Variants in IPO11 observed in about 807,000 individuals in gnomAD.
IPO11 encodes the protein importin-11.
A neutral mutation model predicts 143.2 loss-of-function variants in IPO11; 66 were observed. The ratio of observed to expected loss-of-function variants is 0.46; its 90% CI spans 0.38 to 0.57. The LOEUF is 0.57. Ranked by LOEUF, IPO11 falls within the 20% of genes least tolerant of loss-of-function variation. The pLI is 0.00. For synonymous variants in IPO11, 385 were observed against 377.8 expected (o/e 1.02, Z -0.22); for missense variants, 1,026 against 1,141.0 (o/e 0.90, Z 1.45).
Position 62,437,436 on chromosome 5 carries a change from G to A in IPO11, c.138+19G>A. 1.3e-6 allele frequency: 2 copies of A among 1,582,082 alleles called. No homozygotes were observed. The highest frequency in any genetic ancestry group is 1.7e-6 in the Non-Finnish European group (2 of 1,165,570). On this transcript the variant is annotated intron_variant, in intron 2 of 29. Transcript: ENST00000325324. ...GTTGCTGGTAAGTTGTTCTAAAATT[G>A]TTTGCTTTTCTTTTTAATAAAATGA...
intron 27 of IPO11, among the ~76,000 whole-genome samples, chr5:62,591,297 A>G (rs945313795): frequency 1.3e-5 from 2 of 152,184 alleles, no homozygotes; most frequent in Admixed American, 1.3e-4. Flanking sequence ...TTGTAGTTAT[A>G]TAAGTAACAT....
intron 29 of IPO11, among the ~76,000 whole-genome samples, chr5:62,616,719 CAAAAAAA>C (rs538760503): frequency 0.025 from 2,077 of 84,432 alleles, 60 homozygotes; most frequent in African/African-American, 0.094. Context: ...GACTCTGACT[CAAAAAAA>C]AAAAAAAAAA....
At chr5:62,447,108 T>A (rs1744744937) in intron 3 of IPO11, among the ~76,000 whole-genome samples, 1 of 149,178 alleles carries the variant, frequency 6.7e-6, no homozygotes, top group Admixed American at 6.6e-5. Context: ...ATTATATATA[T>A]ATATTTTTTT....
chr5:62,416,715 C>CTTTTT (rs11295932), intron 1 of IPO11, among the ~76,000 whole-genome samples: 4 of 144,136 alleles, frequency 2.8e-5, no homozygotes, highest in African/African-American at 2.6e-5. Flanking sequence ...CTCTTATTAT[C>CTTTTT]TTTTTTTTTT....
intron 20 of IPO11, 93 bp from the exon 21 acceptor site, chr5:62,526,049 T>G (rs1463330915): frequency 1.4e-6 from 1 of 728,144 alleles, no homozygotes; most frequent in Non-Finnish European, 2.3e-6. Flanking sequence ...TTTTTTTAAT[T>G]GGTTTTAGGG....
intron 5 of IPO11, among the ~76,000 whole-genome samples, chr5:62,456,848 C>G (rs1232294501): frequency 6.6e-6 from 1 of 152,110 alleles, no homozygotes; most frequent in African/African-American, 2.4e-5. Context: ...AATCCTGGCA[C>G]TTTAGGAGGC....
At chr5:62,562,230 A>G (rs941605582) in intron 27 of IPO11, 15 of 152,000 alleles carry the variant, frequency 9.9e-5, no homozygotes, top group African/African-American at 2.9e-4. Context: ...CTGGGCCCCT[A>G]TTTTTTTGTA....
intron 15 of IPO11, among the ~76,000 whole-genome samples, chr5:62,493,722 C>T (rs1398865792): frequency 6.6e-6 from 1 of 152,050 alleles, no homozygotes; most frequent in Non-Finnish European, 1.5e-5. Context: ...GTGCATGCCA[C>T]CACGCCCTGC....
At chr5:62,444,891 T>C (rs2112148908) in intron 3 of IPO11, among the ~76,000 whole-genome samples, 1 of 151,066 alleles carries the variant, frequency 6.6e-6, no homozygotes, top group South Asian at 2.1e-4. Flanking sequence ...GAGAGACATA[T>C]ATATATGTAT....
rs1217115922 is a variant in IPO11, at chr5:62,581,201, C to T, written c.2583-10376C>T. ...GTAACTGCCTCAATTTGTAACACTTCCCCAAATTCTCTAGAAAGTCCTGGC... is the reference window on the plus strand; with the variant it reads ...GTAACTGCCTCAATTTGTAACACTTTCCCAAATTCTCTAGAAAGTCCTGGC... On this transcript the variant is annotated intron_variant, in intron 27 of 29. Transcript: ENST00000325324. 6.4e-7 allele frequency: 1 copy of T among 1,550,788 alleles called. No homozygotes were observed. The highest frequency in any genetic ancestry group is 1.4e-5 in the African/African-American group (1 of 72,986).
At chr5:62,504,584 T>C in intron 16 of IPO11, 83 bp from the exon 17 acceptor site, 1 of 773,536 alleles carries the variant, frequency 1.3e-6, no homozygotes, top group Non-Finnish European at 2.1e-6. Flanking sequence ...CAGAAAGTGA[T>C]TTGGAATAAA....
chr5:62,595,146 G>T (rs1478538101), intron 28 of IPO11, among the ~76,000 whole-genome samples: 2 of 152,140 alleles, frequency 1.3e-5, no homozygotes, highest in Non-Finnish European at 2.9e-5. Context: ...AGAATCTTTG[G>T]GGGTCACACA....
intron 25 of IPO11, 148 bp downstream of exon 25, chr5:62,550,610 C>T (rs1743355787): frequency 5.6e-6 from 3 of 531,242 alleles, no homozygotes; most frequent in Non-Finnish European, 9.7e-6. Context: ...ACACCTTTGC[C>T]TTTTCCTGTT....
chr5:62,577,624 G>A (rs555414847), intron 27 of IPO11, among the ~76,000 whole-genome samples: 2 of 152,030 alleles, frequency 1.3e-5, no homozygotes, highest in South Asian at 2.1e-4. Context: ...CATTTTTAAT[G>A]CATAAAATAG....
In IPO11 at chr5:62,555,247, CT is replaced by C. The variant is rs796926392; in HGVS notation, c.2460+3920del. Among the ~76,000 whole-genome samples the C allele has an allele frequency of 7.5e-5, 11 of 146,564 alleles. 1 individual carries two copies. Among genetic ancestry groups the C allele is most frequent in the African/African-American group, 2.2e-4 (9 of 40,006 alleles). On this transcript the variant is annotated intron_variant, in intron 26 of 29. Coordinates refer to ENST00000325324, the MANE Select transcript of IPO11 (RefSeq NM_016338.5). ...TCACCAATTCACGAACATGGTGTGT[CT>C]TTTTTTTTGTATTTTTTGTATTTTT...
chr5:62,417,649 G>A (rs1225845620), intron 1 of IPO11, among the ~76,000 whole-genome samples: 3 of 152,072 alleles, frequency 2.0e-5, no homozygotes, highest in Non-Finnish European at 4.4e-5. Flanking sequence ...TCCAAACTAC[G>A]TAGTTTAGGA....
chr5:62,538,323 A>C (rs555929564), intron 24 of IPO11, among the ~76,000 whole-genome samples: 15 of 152,324 alleles, frequency 9.8e-5, no homozygotes, highest in Non-Finnish European at 1.9e-4. Flanking sequence ...ATGAAGTCTT[A>C]CTTCATAACT....
At chr5:62,587,893 G>A (rs1161576595) in intron 27 of IPO11, among the ~76,000 whole-genome samples, 1 of 152,180 alleles carries the variant, frequency 6.6e-6, no homozygotes, top group African/African-American at 2.4e-5. Flanking sequence ...AGGCCCTGAT[G>A]CTGACCACAG....
intron 3 of IPO11, among the ~76,000 whole-genome samples, chr5:62,447,202 C>T (rs973146418): frequency 2.2e-4 from 34 of 152,002 alleles, no homozygotes; most frequent in African/African-American, 8.2e-4. Flanking sequence ...AACTCCTGGG[C>T]TCAAGCAGCC....
Sources: allele counts gnomAD v4.1 joint callset (sites outside exome capture counted in the v4.1 genomes callset), GRCh38; gene constraint gnomAD v4.1.1; transcripts MANE v1.5; gene names NCBI Gene and HGNC (gene_info 2026-07-23, HGNC 2026-07-21).